Variants in KAT14 observed in about 807,000 individuals in gnomAD.
KAT14 encodes lysine acetyltransferase 14, also known as cysteine-rich protein 2-binding protein.
Under a neutral mutation model 78.4 loss-of-function variants are expected in KAT14, and 66 were observed. The observed-to-expected ratio is 0.84, with a 90% confidence interval of 0.69 to 1.03. KAT14 has a LOEUF of 1.03. Among genes scored for constraint, KAT14 ranks in the 50% least tolerant of loss-of-function variants. The probability of loss-of-function intolerance (pLI) is 0.00; values close to 1 mark genes in which losing one functional copy is unlikely to be tolerated. For missense variants in KAT14, 870 were observed against 972.5 expected (o/e 0.89, Z 1.40); for synonymous variants, 344 against 359.4 (o/e 0.96, Z 0.48).
At chr20:18,184,878 C>G (rs1199778285) in intron 10 of KAT14, 86 bp downstream of exon 10, 1 of 1,361,544 alleles carries the variant, frequency 7.3e-7, no homozygotes, top group African/African-American at 1.5e-5. Context: ...GCTAGCCCTT[C>G]CCAGCATGGC....
At chr20:18,177,635 A>T (rs1219530103) in intron 7 of KAT14, among the ~76,000 whole-genome samples, 6 of 152,228 alleles carry the variant, frequency 3.9e-5, no homozygotes, top group Non-Finnish European at 4.4e-5. Context: ...AAAGCAAATT[A>T]TAATGGAAGG....
chr20:18,148,190 A>G (rs1286224135), intron 3 of KAT14, among the ~76,000 whole-genome samples: 3 of 152,202 alleles, frequency 2.0e-5, no homozygotes, highest in African/African-American at 7.2e-5. Context: ...CCAAAGAAAT[A>G]TGTAGAAATG....
Position 18,142,640 on chromosome 20 carries a change from C to T in KAT14, c.-21C>T, listed in dbSNP as rs1449544326. On this transcript the variant is annotated 5_prime_UTR_variant, in exon 2 of 11. Transcript: ENST00000688188. ...TAGGGTTGTTACTGAGAAGCACTGCCGAGCTTGTGAGAAGGAAGGGATGGA... is the reference window on the plus strand; with the variant it reads ...TAGGGTTGTTACTGAGAAGCACTGCTGAGCTTGTGAGAAGGAAGGGATGGA... The T allele has an allele frequency of 9.3e-6, 15 of 1,613,200 alleles. No homozygotes were observed. The East Asian group carries it at 1.3e-4, about 14-fold the overall frequency.
At chr20:18,142,019 C>T (rs1216464351) in intron 1 of KAT14, among the ~76,000 whole-genome samples, 189 bp from the exon 2 acceptor site, 2 of 152,030 alleles carry the variant, frequency 1.3e-5, no homozygotes, top group Non-Finnish European at 2.9e-5. Context: ...TAACATTTAG[C>T]ACACTACCAA....
At chr20:18,184,981 C>T (rs539831222) in intron 10 of KAT14, among the ~76,000 whole-genome samples, 189 bp downstream of exon 10, 2 of 152,184 alleles carry the variant, frequency 1.3e-5, no homozygotes, top group Admixed American at 6.5e-5. Flanking sequence ...ATCTTCGACC[C>T]TCTAAAATAA....
chr20:18,184,883 C>A, intron 10 of KAT14, 91 bp downstream of exon 10: 1 of 1,362,108 alleles, frequency 7.3e-7, no homozygotes, highest in Non-Finnish European at 9.7e-7. Flanking sequence ...CCCTTCCCAG[C>A]ATGGCCCAAT....
At chr20:18,140,601 G>GA (rs1210185788) in intron 1 of KAT14, among the ~76,000 whole-genome samples, 1 of 151,908 alleles carries the variant, frequency 6.6e-6, no homozygotes, top group Admixed American at 6.6e-5. Context: ...TTTGAGGTCA[G>GA]GAGTTCGAGA....
At chr20:18,143,070 CAT>C in intron 2 of KAT14, 151 bp downstream of exon 2, 9 of 1,422,950 alleles carry the variant, frequency 6.3e-6, no homozygotes, top group South Asian at 1.5e-5. Context: ...TTATATAAAA[CAT>C]AGGCATGTTT....
rs201839655 is a variant in KAT14 at position 18,174,668 on chromosome 20, T to A, written c.1669-7042T>A. Among the ~76,000 whole-genome samples the A allele has an allele frequency of 1.1e-3, 120 of 112,686 alleles. No homozygotes were observed. In the South Asian group the frequency reaches 0.022, roughly 21 times the overall value. The allele number at this position is 112,686 out of a possible 152,430, so 73.9% of individuals were successfully genotyped here. On this transcript the variant is annotated intron_variant, in intron 7 of 10. Transcript: ENST00000688188. ...CCTTTTGTTTTCTTGCTTTTTTTTT[T>A]ATTTTTTTTTTTGAGGTGGATTTTT...
rs182213388 is a variant in KAT14 at position 18,138,455 on chromosome 20, A to G, written c.-454+404A>G. On this transcript the variant is annotated intron_variant, in intron 1 of 10. Coordinates refer to ENST00000688188, the MANE Select transcript of KAT14 (RefSeq NM_001392073.1). ...GCTAGAAAATAGAAGGTGGGGAAGG[A>G]GTTTCTTGGGGTGCATTCTGCAAGC... 328 of 993,684 alleles carry G rather than the reference A, an allele frequency of 3.3e-4. 1 individual carries two copies. In the African/African-American group the frequency reaches 5.3e-3, roughly 16 times the overall value. The allele number at this position is 993,684 out of a possible 1,614,324, so 61.6% of individuals were successfully genotyped here. A position where few individuals can be genotyped will look rare whatever the true frequency, so the allele number is the denominator to read the frequency against.
intron 7 of KAT14, among the ~76,000 whole-genome samples, chr20:18,167,911 A>G (rs2038702650): frequency 6.6e-6 from 1 of 152,016 alleles, no homozygotes; most frequent in Non-Finnish European, 1.5e-5. Context: ...GTACATTTTC[A>G]TGCACTTATC....
At chr20:18,152,002 CAAAA>C (rs201621092) in intron 4 of KAT14, among the ~76,000 whole-genome samples, 3 of 73,860 alleles carry the variant, frequency 4.1e-5, no homozygotes, top group Admixed American at 1.3e-4. Flanking sequence ...GACTCCATCT[CAAAA>C]AAAAAAAAAA....
At chr20:18,138,244 G>A (rs2037375060) in intron 1 of KAT14, 193 bp downstream of exon 1, 10 of 1,241,918 alleles carry the variant, frequency 8.1e-6, no homozygotes, top group African/African-American at 1.6e-5. Context: ...GCAGCTCCCG[G>A]CGGGCGTGTG....
intron 4 of KAT14, among the ~76,000 whole-genome samples, chr20:18,152,382 G>T (rs2038081052): frequency 6.6e-6 from 1 of 152,178 alleles, no homozygotes; most frequent in Non-Finnish European, 1.5e-5. Flanking sequence ...TTCGAGACCA[G>T]CCTGGCCAAC....
chr20:18,176,821 G>T (rs1030782514), intron 7 of KAT14, among the ~76,000 whole-genome samples: 1 of 152,158 alleles, frequency 6.6e-6, no homozygotes, highest in African/African-American at 2.4e-5. Flanking sequence ...TTGATCAAGG[G>T]AAGTGAATTT....
At chr20:18,152,427 A>G (rs6045216) in intron 4 of KAT14, among the ~76,000 whole-genome samples, 33,960 of 152,078 alleles carry the variant, frequency 0.22, 4,476 homozygotes, top group East Asian at 0.52. Context: ...AAATACAGAA[A>G]TTAGCTGGGC....
chr20:18,174,341 A>G (rs1055538431), intron 7 of KAT14, among the ~76,000 whole-genome samples: 1 of 72,026 alleles, frequency 1.4e-5, no homozygotes. Context: ...TAGGAGTGGA[A>G]TTGCTTTGTC....
Position 18,184,680 on chromosome 20 carries a change from G to C in KAT14, c.2060G>C (p.Gly687Ala). The change falls in exon 10 of 11, where the codon GGC becomes GCC. Residue 687 changes from glycine to alanine, a missense_variant. By Grantham distance (60) the Gly-to-Ala change is moderately conservative. Transcript: ENST00000688188. The part of the protein sequence containing the change: ...VLYKKVIIAF[G>A]FMVPDVKYNE... ...TATAAAAAAGTCATCATTGCCTTTG[G>C]CTTCATGGTTCCTGATGTGAAATAC... 1 of 1,613,554 alleles carries C rather than the reference G, an allele frequency of 6.2e-7. No homozygotes were observed. Among genetic ancestry groups the C allele is most frequent in the Non-Finnish European group, 8.5e-7 (1 of 1,179,840 alleles).
intron 1 of KAT14, among the ~76,000 whole-genome samples, chr20:18,141,037 T>G (rs2037538618): frequency 1.3e-4 from 3 of 22,596 alleles, no homozygotes; most frequent in Admixed American, 6.1e-4. Context: ...TTTTTTTTTT[T>G]TTTTTTTTTA....
Sources: allele counts gnomAD v4.1 joint callset (sites outside exome capture counted in the v4.1 genomes callset), GRCh38; gene constraint gnomAD v4.1.1; transcripts MANE v1.5; gene names NCBI Gene and HGNC (gene_info 2026-07-23, HGNC 2026-07-21).